OIT3: variants seen among roughly 807,000 people sequenced by gnomAD.
OIT3 encodes the protein oncoprotein-induced transcript 3 protein.
A neutral mutation model predicts 52.2 loss-of-function variants in OIT3; 41 were observed. That is an observed-to-expected ratio of 0.79 (90% CI 0.61 to 1.02). The LOEUF (loss-of-function observed/expected upper bound fraction) is 1.02. OIT3 is among the 50% of genes least tolerant of loss of function. The pLI is 0.00. For synonymous variants in OIT3, 244 were observed against 276.9 expected, an observed-to-expected ratio of 0.88 and a Z score of 1.18; for missense variants, 634 against 715.5, an observed-to-expected ratio of 0.89 and a Z score of 1.30.
intron 7 of OIT3, among the ~76,000 whole-genome samples, chr10:72,929,904 T>C (rs1445784498): frequency 6.6e-6 from 1 of 152,178 alleles, no homozygotes; most frequent in African/African-American, 2.4e-5. Flanking sequence ...CTTTAAGCAG[T>C]AGACCTGAGA....
chr10:72,911,816 C>T lies in OIT3; in HGVS notation c.767C>T (p.Ser256Phe), dbSNP rs1460014569. The T allele has an allele frequency of 6.2e-7, 1 of 1,613,610 alleles. No individual in the cohort carries two copies. The part of the protein sequence containing the change: ...QCECPRGLVL[S>F]EDNHTCQVPV... ...GAATGTCCCCGGGGCCTGGTGCTGT[C>T]TGAGGATAACCACACTTGCCAAGGT... The change falls in exon 5 of 9, where the codon TCT becomes TTT. Residue 256 changes from serine (S) to phenylalanine (F), a missense_variant. By Grantham distance (155) the Ser-to-Phe change is radical. Coordinates refer to ENST00000334011, the MANE Select transcript of OIT3 (RefSeq NM_152635.3).
rs1027848559 is a variant in OIT3, at chr10:72,909,264, G to A, written c.668-2453G>A. Among the ~76,000 whole-genome samples, 7 of 151,900 alleles carry A rather than the reference G, an allele frequency of 4.6e-5. No homozygotes were observed. In the South Asian group the frequency reaches 1.0e-3, roughly 23 times the overall value. ...GCCTCTCAAGAAGCTGGGACTACAG[G>A]CGTGCACCACCACACCAAGCTAGTT... On this transcript the variant is annotated intron_variant, in intron 4 of 8. Coordinates refer to ENST00000334011, the MANE Select transcript of OIT3 (RefSeq NM_152635.3).
At chr10:72,898,122 A>AC (rs1480601796) in intron 1 of OIT3, among the ~76,000 whole-genome samples, 1 of 143,876 alleles carries the variant, frequency 7.0e-6, no homozygotes, top group Non-Finnish European at 1.5e-5. Flanking sequence ...ATCTCTACCA[A>AC]AAAAAAAAAA....
At chr10:72,893,924 A>G (rs1317135959) in intron 1 of OIT3, 65 bp downstream of exon 1, 6 of 1,163,218 alleles carry the variant, frequency 5.2e-6, no homozygotes, top group Non-Finnish European at 7.5e-6. Context: ...TATAATGTAC[A>G]GATGATTAAG....
intron 1 of OIT3, among the ~76,000 whole-genome samples, chr10:72,895,008 G>A (rs56091258): frequency 6.6e-6 from 1 of 152,192 alleles, no homozygotes; most frequent in Non-Finnish European, 1.5e-5. Flanking sequence ...ATCTGAATAA[G>A]TGTGGACTTG....
chr10:72,912,490 C>G (rs926008829), intron 5 of OIT3, among the ~76,000 whole-genome samples: 1 of 151,920 alleles, frequency 6.6e-6, no homozygotes, highest in Non-Finnish European at 1.5e-5. Flanking sequence ...AGGCTGGTCT[C>G]GAACTCCTGA....
rs1255153331 is a variant in OIT3 at position 72,913,749 on chromosome 10, G to T, written c.951+281G>T. 4 of 541,016 alleles carry T rather than the reference G, an allele frequency of 7.4e-6. No homozygotes were observed. The African/African-American group carries it at 7.6e-5, about 10-fold the overall frequency. The allele number at this position is 541,016 out of a possible 1,614,324, so 33.5% of individuals were successfully genotyped here. On this transcript the variant is annotated intron_variant, in intron 6 of 8. Coordinates refer to ENST00000334011, the MANE Select transcript of OIT3 (RefSeq NM_152635.3). ...AATGCATCAGTACCAGTGGTACTGGGAGGCTGGCTACATCCTCTCTGACCA... is the reference window on the plus strand; with the variant it reads ...AATGCATCAGTACCAGTGGTACTGGTAGGCTGGCTACATCCTCTCTGACCA...
chr10:72,921,796 C>T (rs1271229572), intron 6 of OIT3, among the ~76,000 whole-genome samples: 3 of 151,858 alleles, frequency 2.0e-5, no homozygotes, highest in East Asian at 1.9e-4. Context: ...CTCAGCCTCC[C>T]GAGTAGTTGG....
At chr10:72,898,120 CAA>C (rs59034984) in intron 1 of OIT3, among the ~76,000 whole-genome samples, 17 of 132,522 alleles carry the variant, frequency 1.3e-4, no homozygotes, top group East Asian at 2.2e-4. Context: ...CTATCTCTAC[CAA>C]AAAAAAAAAA....
In OIT3 at chr10:72,932,334, A is replaced by T; in HGVS notation, c.1468-20A>T. ...GGCAGCAGTTATTGTTTTTATTAAC[A>T]GTCGTGATCATCTCTTCAGGAAGTG... On this transcript the variant is annotated intron_variant, in intron 8 of 8. Transcript: ENST00000334011. The T allele has an allele frequency of 6.2e-7, 1 of 1,612,676 alleles. No homozygotes were observed. Among genetic ancestry groups the T allele is most frequent in the Non-Finnish European group, 8.5e-7 (1 of 1,178,784 alleles).
At chr10:72,899,149 C>A in intron 2 of OIT3, 111 bp downstream of exon 2, 2 of 937,020 alleles carry the variant, frequency 2.1e-6, no homozygotes, top group Non-Finnish European at 3.2e-6. Flanking sequence ...TCAATCTGAA[C>A]AACATTGATG....
Position 72,898,763 on chromosome 10 carries a change from A to G in OIT3, c.161A>G (p.His54Arg). The change falls in exon 2 of 9, where the codon CAT becomes CGT. Residue 54 changes from histidine (H) to arginine (R), a missense_variant. His to Arg is a conservative substitution (Grantham distance 29). Transcript: ENST00000334011. Reference sequence around the variant, plus strand: ...CAAGGTCCTCCTCTATGTGACAACCATGTGAATGGGGAGTGGTACCACTTC... The same window carrying G: ...CAAGGTCCTCCTCTATGTGACAACCGTGTGAATGGGGAGTGGTACCACTTC... Reference protein sequence around the residue: ...ESQGPPLCDNHVNGEWYHFTG... With the variant: ...ESQGPPLCDNRVNGEWYHFTG... 1 of 1,614,112 alleles carries G rather than the reference A, an allele frequency of 6.2e-7. No individual in the cohort carries two copies. Among genetic ancestry groups the G allele is most frequent in the Non-Finnish European group, 8.5e-7 (1 of 1,179,988 alleles).
intron 6 of OIT3, chr10:72,913,801 A>T (rs1408555439): frequency 5.0e-6 from 2 of 398,078 alleles, no homozygotes; most frequent in African/African-American, 2.1e-5. Context: ...AAAGCAACTA[A>T]TACAGTTGGT....
chr10:72,898,735 T>C lies in OIT3; in HGVS notation c.133T>C (p.Ser45Pro), dbSNP rs1171478163. The change falls in exon 2 of 9, where the codon TCT (serine) becomes CCT (proline). Residue 45 changes from serine (S) to proline (P), a missense_variant. Transcript: ENST00000334011. Reference protein sequence around the residue: ...WRNTDHQLDESQGPPLCDNHV... With the variant: ...WRNTDHQLDEPQGPPLCDNHV... ...GAACACTGACCACCAGTTGGATGAG[T>C]CTCAAGGTCCTCCTCTATGTGACAA... The C allele has an allele frequency of 1.9e-6, 3 of 1,613,770 alleles. No individual in the cohort carries two copies. Among genetic ancestry groups the C allele is most frequent in the Non-Finnish European group, 2.5e-6 (3 of 1,179,814 alleles).
intron 6 of OIT3, among the ~76,000 whole-genome samples, chr10:72,921,328 G>A (rs1846119460): frequency 6.6e-6 from 1 of 152,180 alleles, no homozygotes; most frequent in Admixed American, 6.5e-5. Flanking sequence ...CATGTGAGAT[G>A]GATCTCTTGA....
intron 3 of OIT3, among the ~76,000 whole-genome samples, chr10:72,901,927 T>G (rs1845938302): frequency 6.6e-6 from 1 of 152,206 alleles, no homozygotes; most frequent in South Asian, 2.1e-4. Context: ...CCAAAGTAGC[T>G]GTAGTCTCAG....
In OIT3 at chr10:72,913,340, G is replaced by A; in HGVS notation, c.823G>A (p.Val275Met). The A allele has an allele frequency of 6.2e-7, 1 of 1,612,292 alleles. No individual in the cohort carries two copies. The highest frequency in any genetic ancestry group is 2.2e-5 in the East Asian group (1 of 44,814). Reference protein sequence around the residue: ...PVLCKSNAIEVNIPRELVGGL... With the variant: ...PVLCKSNAIEMNIPRELVGGL... ...GTTGTGCAAATCAAATGCCATTGAAGTGAACATCCCCAGGGAGCTGGTTGG... is the reference window on the plus strand; with the variant it reads ...GTTGTGCAAATCAAATGCCATTGAAATGAACATCCCCAGGGAGCTGGTTGG... Residue 275 changes from valine (V) to methionine (M), a missense_variant, in exon 6 of 9, where the codon GTG (valine) becomes ATG (methionine). Val to Met is a conservative substitution (Grantham distance 21). Transcript: ENST00000334011.
At chr10:72,914,747 G>A (rs1346183002) in intron 6 of OIT3, among the ~76,000 whole-genome samples, 3 of 152,166 alleles carry the variant, frequency 2.0e-5, no homozygotes, top group African/African-American at 4.8e-5. Flanking sequence ...CATAACAGGC[G>A]GAAGCTGTCC....
intron 8 of OIT3, among the ~76,000 whole-genome samples, chr10:72,931,734 C>A (rs959823281): frequency 6.6e-6 from 1 of 152,094 alleles, no homozygotes; most frequent in African/African-American, 2.4e-5. Flanking sequence ...GTGAGATAAG[C>A]TGGAAGATTT....
Sources: gnomAD v4.1 joint callset for allele counts (sites outside exome capture counted in the v4.1 genomes callset) on GRCh38, gnomAD v4.1.1 for gene constraint, MANE v1.5 for transcripts, NCBI Gene and HGNC (gene_info 2026-07-23, HGNC 2026-07-21) for gene names.